Variants in TAFA1 observed in about 807,000 individuals in gnomAD.
TAFA1 encodes the protein TAFA chemokine like family member 1, also known as chemokine-like protein TAFA-1.
TAFA1 carries 4 observed loss-of-function variants against 18.5 expected under a neutral mutation model. The ratio of observed to expected loss-of-function variants is 0.22; its 90% CI spans 0.11 to 0.49. The LOEUF (loss-of-function observed/expected upper bound fraction) is 0.49. Among genes scored for constraint, TAFA1 ranks in the 20% least tolerant of loss-of-function variants. The pLI is 0.98. For synonymous variants in TAFA1, 56 were observed against 55.2 expected (o/e 1.01, Z -0.06); for missense variants, 147 against 169.0 (o/e 0.87, Z 0.72).
chr3:68,081,072 A>G (rs1025861089), intron 2 of TAFA1, among the ~76,000 whole-genome samples: 1 of 151,908 alleles, frequency 6.6e-6, no homozygotes, highest in Non-Finnish European at 1.5e-5. Context: ...TTCATCTTCC[A>G]TCACTGATAC....
chr3:68,054,147 C>T (rs2064504873), intron 2 of TAFA1, among the ~76,000 whole-genome samples: 1 of 152,148 alleles, frequency 6.6e-6, no homozygotes, highest in Non-Finnish European at 1.5e-5. Flanking sequence ...ATGCTTGTCC[C>T]TTCCAAATTT....
At chr3:68,461,708 G>A (rs1200092604) in intron 3 of TAFA1, among the ~76,000 whole-genome samples, 1 of 151,516 alleles carries the variant, frequency 6.6e-6, no homozygotes, top group African/African-American at 2.4e-5. Context: ...ACAGTTGCCT[G>A]TAGTCCCAGT....
rs550292039 is a variant in TAFA1 at position 68,397,931 on chromosome 3, A to T, written c.119-19349A>T. 9.5e-4 allele frequency among the ~76,000 whole-genome samples: 145 copies of T among 152,308 alleles called. 2 individuals carry two copies. Among genetic ancestry groups the T allele is most frequent in the African/African-American group, 3.3e-3 (138 of 41,580 alleles). ...TACAATTGCTTTTGGTGTTTTAGTC[A>T]TTAAATATTTTCCCATGCCTATGTC... is the stretch of plus-strand genomic sequence containing the variant. On this transcript the variant is annotated intron_variant, in intron 2 of 4. Coordinates refer to ENST00000478136, the MANE Select transcript of TAFA1 (RefSeq NM_213609.4).
chr3:68,114,294 C>T (rs2065300380), intron 2 of TAFA1, among the ~76,000 whole-genome samples: 1 of 152,030 alleles, frequency 6.6e-6, no homozygotes, highest in African/African-American at 2.4e-5. Flanking sequence ...TGTATATGCC[C>T]CACAGACCAG....
At chr3:68,407,863 T>G (rs1383609919) in intron 2 of TAFA1, among the ~76,000 whole-genome samples, 1 of 152,150 alleles carries the variant, frequency 6.6e-6, no homozygotes, top group African/African-American at 2.4e-5. Context: ...GGAATTTGTT[T>G]AATCTCAAGC....
intron 3 of TAFA1, among the ~76,000 whole-genome samples, chr3:68,490,516 T>A (rs1433666082): frequency 4.6e-5 from 7 of 152,174 alleles, no homozygotes; most frequent in African/African-American, 1.7e-4. Context: ...ATTTTCTTTA[T>A]ATGCTTCAAG....
intron 2 of TAFA1, among the ~76,000 whole-genome samples, chr3:68,240,761 G>A (rs543441521): frequency 3.3e-5 from 5 of 152,118 alleles, no homozygotes; most frequent in Admixed American, 1.3e-4. Context: ...ACTCTGAAGC[G>A]CTGTAATTTT....
At chr3:68,089,952 G>A (rs1360313598) in intron 2 of TAFA1, among the ~76,000 whole-genome samples, 1 of 152,154 alleles carries the variant, frequency 6.6e-6, no homozygotes, top group Non-Finnish European at 1.5e-5. Context: ...TTGGCTGGCT[G>A]ACCTCCTAAG....
intron 2 of TAFA1, among the ~76,000 whole-genome samples, chr3:68,105,945 T>C (rs1162960475): frequency 2.0e-5 from 3 of 152,128 alleles, no homozygotes; most frequent in Non-Finnish European, 4.4e-5. Context: ...CAGCCTACTG[T>C]AGGTAATGCA....
chr3:68,017,563 A>G (rs902669743), intron 2 of TAFA1, among the ~76,000 whole-genome samples: 6 of 152,218 alleles, frequency 3.9e-5, no homozygotes, highest in African/African-American at 1.4e-4. Context: ...TTAATTTGCT[A>G]ACCATCTTCA....
chr3:68,221,270 C>A (rs1172954497), intron 2 of TAFA1, among the ~76,000 whole-genome samples: 2 of 152,100 alleles, frequency 1.3e-5, no homozygotes, highest in Non-Finnish European at 2.9e-5. Context: ...AACTGGGACC[C>A]AATTTTGCTC....
chr3:68,448,332 T>G (rs2071507215), intron 3 of TAFA1, among the ~76,000 whole-genome samples: 1 of 152,222 alleles, frequency 6.6e-6, no homozygotes, highest in East Asian at 1.9e-4. Flanking sequence ...TGTAAATTTG[T>G]GAGACAGTAA....
intron 2 of TAFA1, among the ~76,000 whole-genome samples, chr3:68,292,929 G>A (rs754938510): frequency 7.2e-5 from 11 of 152,046 alleles, no homozygotes; most frequent in Non-Finnish European, 1.5e-4. Flanking sequence ...TTATCCACAG[G>A]TTAGATTAAG....
chr3:68,035,665 A>T (rs1426490689), intron 2 of TAFA1, among the ~76,000 whole-genome samples: 1 of 152,246 alleles, frequency 6.6e-6, no homozygotes, highest in East Asian at 1.9e-4. Flanking sequence ...TACGATGCAG[A>T]AATCCCACTT....
At chr3:68,223,703 A>C (rs1347446109) in intron 2 of TAFA1, among the ~76,000 whole-genome samples, 4 of 152,106 alleles carry the variant, frequency 2.6e-5, no homozygotes, top group Non-Finnish European at 4.4e-5. Flanking sequence ...GGGATAAGGA[A>C]ATTTAGACAA....
At chr3:68,231,839 T>C (rs1262381786) in intron 2 of TAFA1, among the ~76,000 whole-genome samples, 1 of 152,174 alleles carries the variant, frequency 6.6e-6, no homozygotes, top group East Asian at 1.9e-4. Context: ...CCTTTTGCAA[T>C]TACTGTCTCT....
intron 2 of TAFA1, among the ~76,000 whole-genome samples, chr3:68,022,867 A>G (rs1042687060): frequency 2.1e-5 from 3 of 142,204 alleles, no homozygotes; most frequent in Admixed American, 6.9e-5. Context: ...TATAAAATTA[A>G]GATTTGTATT....
chr3:67,995,287 G>T, the TAFA1 span, among the ~76,000 whole-genome samples: 1 of 152,020 alleles, frequency 6.6e-6, no homozygotes, highest in Admixed American at 6.6e-5. Context: ...TTCAAACTTG[G>T]CTGCAAATTG....
chr3:68,220,854 C>G (rs940176205), intron 2 of TAFA1, among the ~76,000 whole-genome samples: 2 of 151,054 alleles, frequency 1.3e-5, no homozygotes, highest in Non-Finnish European at 3.0e-5. Flanking sequence ...TTCAGCATCC[C>G]TCGGTGCATG....
Sources: allele counts gnomAD v4.1 joint callset (sites outside exome capture counted in the v4.1 genomes callset), GRCh38; gene constraint gnomAD v4.1.1; transcripts MANE v1.5; gene names NCBI Gene and HGNC (gene_info 2026-07-23, HGNC 2026-07-21).